Variants in DLG2 observed in about 807,000 individuals in gnomAD.
The protein encoded by DLG2 is disks large homolog 2.
DLG2 carries 45 observed loss-of-function variants against 132.5 expected under a neutral mutation model. The ratio of observed to expected loss-of-function variants is 0.34; its 90% CI spans 0.27 to 0.44. The LOEUF (loss-of-function observed/expected upper bound fraction) is 0.44, where lower values mean the gene tolerates loss of function less well. Among genes scored for constraint, DLG2 ranks in the 20% least tolerant of loss-of-function variants. The pLI, the probability that DLG2 is intolerant of heterozygous loss-of-function variation, is 1.00. For synonymous variants in DLG2, 424 were observed against 419.6 expected, an observed-to-expected ratio of 1.01 and a Z score of -0.13; for missense variants, 1,045 against 1,196.9, an observed-to-expected ratio of 0.87 and a Z score of 1.87.
At chr11:84,425,510 T>G in intron 7 of DLG2, among the ~76,000 whole-genome samples, 1 of 152,260 alleles carries the variant, frequency 6.6e-6, no homozygotes, top group Middle Eastern at 3.4e-3. Flanking sequence ...AAAGCCATTT[T>G]CATAAAGCCT....
At chr11:84,198,787 A>G (rs947970339) in intron 8 of DLG2, among the ~76,000 whole-genome samples, 6 of 152,204 alleles carry the variant, frequency 3.9e-5, no homozygotes, top group Admixed American at 3.9e-4. Flanking sequence ...GTAAAGAAAC[A>G]TAGATAGTTG....
intron 3 of DLG2, among the ~76,000 whole-genome samples, chr11:85,416,455 G>T (rs1360440131): frequency 6.6e-6 from 1 of 152,114 alleles, no homozygotes; most frequent in Non-Finnish European, 1.5e-5. Context: ...AAAATTTAAA[G>T]AAGTTTTTTT....
chr11:85,241,622 C>CAAA (rs995070555), intron 4 of DLG2, among the ~76,000 whole-genome samples: 1 of 151,898 alleles, frequency 6.6e-6, no homozygotes, highest in Non-Finnish European at 1.5e-5. Context: ...TGTTCTAACA[C>CAAA]AAAGAATCAG....
intron 3 of DLG2, among the ~76,000 whole-genome samples, chr11:85,546,395 G>T (rs909342024): frequency 6.6e-6 from 1 of 152,140 alleles, no homozygotes; most frequent in Admixed American, 6.6e-5. Context: ...ATTTGCTGAG[G>T]AGTGTTTTAC....
chr11:85,112,461 A>G (rs2072923978), intron 5 of DLG2, among the ~76,000 whole-genome samples: 1 of 151,974 alleles, frequency 6.6e-6, no homozygotes, highest in Non-Finnish European at 1.5e-5. Flanking sequence ...GATAATGAAA[A>G]CTGATTAGTC....
chr11:84,526,065 T>G (rs1346049348), intron 7 of DLG2, among the ~76,000 whole-genome samples: 1 of 152,198 alleles, frequency 6.6e-6, no homozygotes, highest in Non-Finnish European at 1.5e-5. Flanking sequence ...CTTTCTTTAT[T>G]GTACGCTCCA....
At chr11:85,074,674 A>G (rs1170297264) in intron 6 of DLG2, among the ~76,000 whole-genome samples, 4 of 151,864 alleles carry the variant, frequency 2.6e-5, no homozygotes, top group African/African-American at 9.7e-5. Flanking sequence ...AGGTTTGTAA[A>G]AGGTAGCAAT....
intron 7 of DLG2, among the ~76,000 whole-genome samples, chr11:84,279,658 G>A (rs1254644844): frequency 6.6e-6 from 1 of 152,166 alleles, no homozygotes; most frequent in Non-Finnish European, 1.5e-5. Flanking sequence ...ATCTTTTGCA[G>A]GGACATGGAT....
Position 85,470,756 on chromosome 11 carries a change from G to C in DLG2, c.40+127901C>G, listed in dbSNP as rs549855921. Among the ~76,000 whole-genome samples, 300 of 152,242 alleles carry C rather than the reference G, an allele frequency of 2.0e-3. 2 individuals are homozygous for C. In the Middle Eastern group the frequency reaches 0.037, roughly 19 times the overall value. On this transcript the variant is annotated intron_variant, in intron 3 of 27. Coordinates refer to ENST00000376104, the MANE Select transcript of DLG2 (RefSeq NM_001142699.3). ...CAAAAATAAAAAAGAATATTTTCAT[G>C]TTACTAGATGGTTCTGGCTTTCTGA...
chr11:83,834,557 A>G lies in DLG2; in HGVS notation c.1566-787T>C, dbSNP rs139500772. 1.9e-4 allele frequency among the ~76,000 whole-genome samples: 29 copies of G among 152,342 alleles called. 1 individual carries two copies. In the East Asian group the frequency reaches 5.6e-3, roughly 29 times the overall value. On this transcript the variant is annotated intron_variant, in intron 16 of 27. Coordinates refer to ENST00000376104, the MANE Select transcript of DLG2 (RefSeq NM_001142699.3). ...GGAGAGATGAGTGGAATCCAGGGTC[A>G]TGAGAATGAGTATGATTTTGACACA...
At chr11:84,178,469 C>T (rs561474072) in intron 8 of DLG2, among the ~76,000 whole-genome samples, 6 of 152,214 alleles carry the variant, frequency 3.9e-5, no homozygotes, top group Admixed American at 3.3e-4. Context: ...TAGCAATCAA[C>T]ATATCCCTGC....
chr11:85,299,941 G>A (rs2079482638), intron 3 of DLG2, among the ~76,000 whole-genome samples: 1 of 152,110 alleles, frequency 6.6e-6, no homozygotes, highest in African/African-American at 2.4e-5. Context: ...GCTATAATAT[G>A]TCCAAATACA....
intron 9 of DLG2, among the ~76,000 whole-genome samples, chr11:84,144,547 G>A (rs562115004): frequency 2.6e-5 from 4 of 152,136 alleles, no homozygotes; most frequent in Non-Finnish European, 5.9e-5. Flanking sequence ...GCAATTCAGA[G>A]TCATGTCAGC....
chr11:84,213,293 G>A (rs972974954), intron 8 of DLG2, among the ~76,000 whole-genome samples: 1 of 152,038 alleles, frequency 6.6e-6, no homozygotes, highest in Non-Finnish European at 1.5e-5. Context: ...ATCTGTGTAT[G>A]AGCCTGACTT....
At chr11:84,312,897 C>T (rs1482212854) in intron 7 of DLG2, among the ~76,000 whole-genome samples, 4 of 152,014 alleles carry the variant, frequency 2.6e-5, no homozygotes, top group Admixed American at 1.3e-4. Context: ...GTAACCTCCA[C>T]CTCCTGGGTT....
chr11:83,806,421 T>TA (rs1181845096), intron 17 of DLG2, among the ~76,000 whole-genome samples: 2 of 152,298 alleles, frequency 1.3e-5, no homozygotes, highest in East Asian at 3.9e-4. Context: ...CCCAGCTACA[T>TA]TCCCAATGTC....
At chr11:85,266,253 T>C (rs2077204277) in intron 4 of DLG2, among the ~76,000 whole-genome samples, 1 of 152,236 alleles carries the variant, frequency 6.6e-6, no homozygotes, top group Non-Finnish European at 1.5e-5. Context: ...CTCTCTTGCC[T>C]ATGTGATCCC....
At chr11:84,130,837 T>C (rs2094392947) in intron 9 of DLG2, among the ~76,000 whole-genome samples, 1 of 151,820 alleles carries the variant, frequency 6.6e-6, no homozygotes, top group African/African-American at 2.4e-5. Flanking sequence ...CAGTTTGCTT[T>C]TAGAGAAGTA....
At chr11:83,921,577 C>T (rs989751385) in intron 15 of DLG2, among the ~76,000 whole-genome samples, 5 of 152,128 alleles carry the variant, frequency 3.3e-5, no homozygotes, top group African/African-American at 4.8e-5. Flanking sequence ...TTAATATCTA[C>T]GCAATGGGTG....
Sources: gnomAD v4.1 joint callset for allele counts (sites outside exome capture counted in the v4.1 genomes callset) on GRCh38, gnomAD v4.1.1 for gene constraint, MANE v1.5 for transcripts, NCBI Gene and HGNC (gene_info 2026-07-23, HGNC 2026-07-21) for gene names.